SND1: variants seen among roughly 807,000 people sequenced by gnomAD.
SND1 encodes staphylococcal nuclease and tudor domain containing 1.
SND1 carries 38 observed loss-of-function variants against 121.7 expected under a neutral mutation model. The ratio of observed to expected loss-of-function variants is 0.31; its 90% CI spans 0.24 to 0.41. SND1 has a LOEUF of 0.41. Ranked by LOEUF, SND1 falls within the 10% of genes least tolerant of loss-of-function variation. The pLI is 1.00. For synonymous variants in SND1, 401 were observed against 447.4 expected (o/e 0.90, Z 1.31); for missense variants, 868 against 1,184.6 (o/e 0.73, Z 3.92).
intron 11 of SND1, among the ~76,000 whole-genome samples, chr7:127,815,085 G>A (rs1313129309): frequency 6.6e-6 from 1 of 151,966 alleles, no homozygotes; most frequent in Non-Finnish European, 1.5e-5. Flanking sequence ...CAAAACTTAA[G>A]GTATCCCTAA....
chr7:128,074,419 G>A (rs1248089031), intron 16 of SND1, 83 bp from the exon 17 acceptor site: 24 of 1,405,422 alleles, frequency 1.7e-5, no homozygotes, highest in East Asian at 2.4e-5. Flanking sequence ...CCAAGGCTTC[G>A]GCGCTGCTGT....
intron 10 of SND1, among the ~76,000 whole-genome samples, chr7:127,740,666 C>T (rs752727064): frequency 1.4e-4 from 21 of 152,192 alleles, no homozygotes; most frequent in Non-Finnish European, 3.1e-4. Context: ...TCTACTGAAT[C>T]AGAATTTCCA....
At chr7:127,987,584 T>C (rs1041315420) in intron 15 of SND1, among the ~76,000 whole-genome samples, 6 of 152,180 alleles carry the variant, frequency 3.9e-5, no homozygotes, top group African/African-American at 7.2e-5. Context: ...CAAAAGCAAG[T>C]CTAGAAACTG....
intron 16 of SND1, among the ~76,000 whole-genome samples, chr7:128,073,355 C>T (rs1348490587): frequency 1.3e-5 from 2 of 152,198 alleles, no homozygotes; most frequent in African/African-American, 2.4e-5. Context: ...CCTGCATTTC[C>T]TCTTGAAGGA....
At chr7:127,848,493 A>G (rs1434768479) in intron 12 of SND1, among the ~76,000 whole-genome samples, 1 of 152,218 alleles carries the variant, frequency 6.6e-6, no homozygotes, top group Non-Finnish European at 1.5e-5. Flanking sequence ...GGGTTAGTAA[A>G]GAGAGCTTCT....
intron 5 of SND1, 118 bp from the exon 6 acceptor site, chr7:127,702,317 G>A (rs1796118948): frequency 1.1e-5 from 9 of 811,700 alleles, no homozygotes; most frequent in Non-Finnish European, 1.7e-5. Flanking sequence ...CTTTTCAGAG[G>A]GAGGCTTTCT....
chr7:127,659,074 A>G (rs537947189), intron 1 of SND1, among the ~76,000 whole-genome samples: 2 of 152,362 alleles, frequency 1.3e-5, no homozygotes, highest in South Asian at 2.1e-4. Flanking sequence ...AACAAATGCA[A>G]TGAAGGAACT....
At chr7:128,070,854 A>G (rs577692267) in intron 16 of SND1, among the ~76,000 whole-genome samples, 2 of 152,276 alleles carry the variant, frequency 1.3e-5, no homozygotes, top group Admixed American at 6.5e-5. Context: ...CCCAAAATCA[A>G]TACTCATGGT....
intron 16 of SND1, among the ~76,000 whole-genome samples, chr7:128,071,944 G>A (rs757516497): frequency 2.6e-5 from 4 of 152,218 alleles, no homozygotes; most frequent in African/African-American, 4.8e-5. Flanking sequence ...GCCCAAGTTA[G>A]CATATCGATT....
At chr7:127,665,333 C>T (rs1456578826) in intron 1 of SND1, among the ~76,000 whole-genome samples, 1 of 151,894 alleles carries the variant, frequency 6.6e-6, no homozygotes, top group African/African-American at 2.4e-5. Context: ...ACTACAGGCG[C>T]CCGCCACCAC....
chr7:127,981,525 G>C (rs775843749), intron 15 of SND1, among the ~76,000 whole-genome samples: 1 of 152,000 alleles, frequency 6.6e-6, no homozygotes, highest in Admixed American at 6.5e-5. Flanking sequence ...ATCAGTGAGA[G>C]GGTTTTTTTT....
chr7:127,707,449 G>C, intron 8 of SND1, 108 bp from the exon 9 acceptor site: 1 of 752,592 alleles, frequency 1.3e-6, no homozygotes. Context: ...CTTTCTTCTG[G>C]ATACATCTAT....
At chr7:127,954,244 A>G (rs916080999) in intron 15 of SND1, among the ~76,000 whole-genome samples, 3 of 152,190 alleles carry the variant, frequency 2.0e-5, no homozygotes, top group Non-Finnish European at 2.9e-5. Flanking sequence ...GCCCACCTTC[A>G]TTAAGCCAAC....
intron 12 of SND1, among the ~76,000 whole-genome samples, chr7:127,862,835 C>T (rs1401846778): frequency 1.3e-5 from 2 of 152,192 alleles, no homozygotes; most frequent in African/African-American, 4.8e-5. Context: ...GACCTCTTCC[C>T]AGCACAGTTG....
intron 9 of SND1, among the ~76,000 whole-genome samples, chr7:127,720,553 A>T (rs991586849): frequency 6.6e-6 from 1 of 152,214 alleles, no homozygotes; most frequent in Admixed American, 6.5e-5. Context: ...ACCTTCACAG[A>T]GGAGTATTTA....
At chr7:127,755,466 C>CT (rs1405194059) in intron 10 of SND1, among the ~76,000 whole-genome samples, 7 of 152,248 alleles carry the variant, frequency 4.6e-5, no homozygotes, top group African/African-American at 1.7e-4. Flanking sequence ...CAGACCACAT[C>CT]TTTTACCCTT....
intron 3 of SND1, among the ~76,000 whole-genome samples, chr7:127,695,765 G>A (rs1410583985): frequency 2.0e-5 from 3 of 152,210 alleles, no homozygotes; most frequent in African/African-American, 7.2e-5. Flanking sequence ...GGTCAAGTCT[G>A]TGGTGAGCCA....
At chr7:127,860,150 T>C (rs1310964729) in intron 12 of SND1, among the ~76,000 whole-genome samples, 3 of 152,186 alleles carry the variant, frequency 2.0e-5, no homozygotes, top group Non-Finnish European at 4.4e-5. Flanking sequence ...TTTTTGAAAG[T>C]GGCATAAACA....
chr7:128,081,317 C>G (rs1273654984), intron 17 of SND1, 43 bp from the exon 18 acceptor site: 1 of 1,611,092 alleles, frequency 6.2e-7, no homozygotes, highest in Non-Finnish European at 8.5e-7. Context: ...TTTATGACTT[C>G]ACTTCCTCGC....
Sources: allele counts gnomAD v4.1 joint callset (sites outside exome capture counted in the v4.1 genomes callset), GRCh38; gene constraint gnomAD v4.1.1; transcripts MANE v1.5; gene names NCBI Gene and HGNC (gene_info 2026-07-23, HGNC 2026-07-21).